CPQ: variants seen among roughly 807,000 people sequenced by gnomAD.
The protein encoded by CPQ is Ser-Met dipeptidase.
In CPQ, 37 loss-of-function variants were observed where a neutral mutation model predicts 45.7. That is an observed-to-expected ratio of 0.81 (90% CI 0.62 to 1.07). The LOEUF (loss-of-function observed/expected upper bound fraction) is 1.07. Among genes scored for constraint, CPQ ranks in the 50% least tolerant of loss-of-function variants. CPQ has a pLI of 0.00. For synonymous variants in CPQ, 186 were observed against 205.8 expected, an observed-to-expected ratio of 0.90 and a Z score of 0.82; for missense variants, 537 against 572.9, an observed-to-expected ratio of 0.94 and a Z score of 0.64.
At chr8:96,826,993 T>C (rs1586416446) in intron 2 of CPQ, among the ~76,000 whole-genome samples, 1 of 152,026 alleles carries the variant, frequency 6.6e-6, no homozygotes, top group Admixed American at 6.6e-5. Flanking sequence ...TATTCCACGG[T>C]GTATATGTAC....
intron 3 of CPQ, among the ~76,000 whole-genome samples, chr8:96,867,841 A>G (rs1236053499): frequency 6.6e-6 from 1 of 151,896 alleles, no homozygotes; most frequent in Non-Finnish European, 1.5e-5. Context: ...GTGTGTTTTT[A>G]TGGTGTCCAG....
At chr8:96,792,114 G>T (rs1166401031) in intron 2 of CPQ, among the ~76,000 whole-genome samples, 1 of 152,154 alleles carries the variant, frequency 6.6e-6, no homozygotes, top group East Asian at 1.9e-4. Context: ...AGGTATGTTA[G>T]TTTATTCACA....
At chr8:96,687,510 C>T (rs1809248228) in intron 1 of CPQ, among the ~76,000 whole-genome samples, 1 of 152,012 alleles carries the variant, frequency 6.6e-6, no homozygotes, top group Admixed American at 6.6e-5. Flanking sequence ...CACCTGGCCA[C>T]ATGCCATTTT....
At chr8:97,085,393 A>T (rs956253375) in intron 7 of CPQ, among the ~76,000 whole-genome samples, 1 of 151,900 alleles carries the variant, frequency 6.6e-6, no homozygotes, top group Non-Finnish European at 1.5e-5. Context: ...CTAAAAAAAA[A>T]AAACCAAAAA....
intron 7 of CPQ, among the ~76,000 whole-genome samples, chr8:97,123,028 T>A (rs539096935): frequency 0.19 from 5,250 of 27,098 alleles, 1,063 homozygotes; most frequent in Non-Finnish European, 0.26. Flanking sequence ...ATAAAATAAA[T>A]AAAATAAAAT....
intron 7 of CPQ, among the ~76,000 whole-genome samples, chr8:97,115,324 T>C (rs913617665): frequency 6.6e-6 from 1 of 152,062 alleles, no homozygotes. Flanking sequence ...TTGGCAGGGG[T>C]GAGTGTGAGC....
intron 7 of CPQ, among the ~76,000 whole-genome samples, chr8:97,086,149 C>T (rs1811037458): frequency 6.6e-6 from 1 of 152,146 alleles, no homozygotes; most frequent in Non-Finnish European, 1.5e-5. Context: ...AAGCCTCCTC[C>T]ACTGTTCAAT....
chr8:96,751,516 C>G (rs958510346), intron 1 of CPQ, among the ~76,000 whole-genome samples: 1 of 151,948 alleles, frequency 6.6e-6, no homozygotes, highest in African/African-American at 2.4e-5. Flanking sequence ...TGTTTAAGTT[C>G]TTTGTAGATT....
chr8:96,774,522 G>T (rs1810583482), intron 1 of CPQ, among the ~76,000 whole-genome samples: 1 of 152,124 alleles, frequency 6.6e-6, no homozygotes, highest in Non-Finnish European at 1.5e-5. Context: ...GTGAGCTAGG[G>T]AAGTGATGGT....
At chr8:96,677,308 C>T (rs1005575536) in intron 1 of CPQ, among the ~76,000 whole-genome samples, 1 of 152,082 alleles carries the variant, frequency 6.6e-6, no homozygotes, top group Admixed American at 6.6e-5. Flanking sequence ...AAAAATGTTC[C>T]CTTTTCACCA....
chr8:97,083,720 G>C (rs1187446777), intron 7 of CPQ, among the ~76,000 whole-genome samples: 1 of 152,192 alleles, frequency 6.6e-6, no homozygotes, highest in East Asian at 1.9e-4. Flanking sequence ...AAAGCACCTG[G>C]CCAAAGGCAC....
chr8:97,074,275 A>G (rs1056687917), intron 7 of CPQ, among the ~76,000 whole-genome samples: 5 of 152,254 alleles, frequency 3.3e-5, no homozygotes, highest in African/African-American at 1.2e-4. Flanking sequence ...ATTACTTGGC[A>G]TATAAAATGT....
At position 97,078,922 on chromosome 8, in the gene CPQ, C is replaced by T. The variant is rs563706415; in HGVS notation, c.1255+12712C>T. Among the ~76,000 whole-genome samples, 9 of 152,054 alleles carry T rather than the reference C, an allele frequency of 5.9e-5. No individual in the cohort carries two copies. In the South Asian group the frequency reaches 1.2e-3, roughly 21 times the overall value. ...AAGCAATCTTCCCACCTCAGCCTCCCGAGTAGCTAGGACTACAGGCTGGCG... is the reference window on the plus strand; with the variant it reads ...AAGCAATCTTCCCACCTCAGCCTCCTGAGTAGCTAGGACTACAGGCTGGCG... On this transcript the variant is annotated intron_variant, in intron 7 of 7. Transcript: ENST00000220763.
At chr8:96,826,732 A>C (rs1025525359) in intron 2 of CPQ, among the ~76,000 whole-genome samples, 1 of 151,968 alleles carries the variant, frequency 6.6e-6, no homozygotes, top group Admixed American at 6.6e-5. Context: ...TTACCTAGGT[A>C]TTAAGTCAAG....
At chr8:96,831,231 T>C (rs759832460) in intron 2 of CPQ, among the ~76,000 whole-genome samples, 2 of 133,430 alleles carry the variant, frequency 1.5e-5, no homozygotes, top group Non-Finnish European at 3.5e-5. Context: ...GTTATGGGTA[T>C]GTGTGTGTGT....
intron 6 of CPQ, among the ~76,000 whole-genome samples, chr8:97,048,294 G>C (rs1810296607): frequency 6.6e-6 from 1 of 152,182 alleles, no homozygotes. Flanking sequence ...AAGGAAAGTA[G>C]CTGTAGGTCT....
intron 1 of CPQ, among the ~76,000 whole-genome samples, chr8:96,748,517 T>A (rs930651419): frequency 6.6e-6 from 1 of 152,086 alleles, no homozygotes; most frequent in Non-Finnish European, 1.5e-5. Flanking sequence ...TCATAGAAAA[T>A]ATTACTATAT....
At chr8:97,044,003 T>C (rs1206559508) in intron 6 of CPQ, among the ~76,000 whole-genome samples, 1 of 152,200 alleles carries the variant, frequency 6.6e-6, no homozygotes, top group East Asian at 1.9e-4. Context: ...TGGCGTTCTC[T>C]ATATTTCCTG....
intron 7 of CPQ, among the ~76,000 whole-genome samples, chr8:97,067,839 C>T (rs1324027699): frequency 6.6e-6 from 1 of 152,186 alleles, no homozygotes; most frequent in East Asian, 1.9e-4. Context: ...CATTGATAAA[C>T]ATGATCTAAG....
Sources: gnomAD v4.1 joint callset for allele counts (sites outside exome capture counted in the v4.1 genomes callset) on GRCh38, gnomAD v4.1.1 for gene constraint, MANE v1.5 for transcripts, NCBI Gene and HGNC (gene_info 2026-07-23, HGNC 2026-07-21) for gene names.